LRMDA: variants seen among roughly 807,000 people sequenced by gnomAD.
LRMDA encodes the protein leucine rich melanocyte differentiation associated, also known as leucine-rich melanocyte differentiation-associated protein.
A neutral mutation model predicts 29.8 loss-of-function variants in LRMDA; 18 were observed. The observed-to-expected ratio is 0.60, with a 90% CI of 0.42 to 0.90. LRMDA has a LOEUF of 0.90. Among genes scored for constraint, LRMDA ranks in the 40% least tolerant of loss-of-function variants. LRMDA has a pLI of 0.00. For missense variants in LRMDA, 273 were observed against 273.9 expected (o/e 1.00, Z 0.02); for synonymous variants, 125 against 109.4 (o/e 1.14, Z -0.89).
intron 2 of LRMDA, among the ~76,000 whole-genome samples, chr10:75,629,603 G>T (rs1271370876): frequency 1.8e-5 from 2 of 112,618 alleles, no homozygotes. Context: ...AATTAAATGA[G>T]CATTAAGTCC....
At chr10:76,375,954 T>C (rs887942937) in intron 6 of LRMDA, among the ~76,000 whole-genome samples, 1 of 152,180 alleles carries the variant, frequency 6.6e-6, no homozygotes, top group African/African-American at 2.4e-5. Context: ...AATATCCTGC[T>C]GTATCATGCT....
At chr10:75,527,845 G>A (rs191519479) in intron 2 of LRMDA, among the ~76,000 whole-genome samples, 2 of 150,880 alleles carry the variant, frequency 1.3e-5, no homozygotes, top group African/African-American at 2.4e-5. Flanking sequence ...TGCAGTGGGG[G>A]GATTTTGGCT....
intron 2 of LRMDA, among the ~76,000 whole-genome samples, chr10:75,987,401 C>T (rs982653272): frequency 2.6e-5 from 4 of 152,216 alleles, no homozygotes; most frequent in African/African-American, 7.2e-5. Context: ...CTGGCTTCTA[C>T]CCAGCAGAAG....
chr10:76,116,948 T>G (rs1849677596), intron 5 of LRMDA, among the ~76,000 whole-genome samples: 1 of 152,184 alleles, frequency 6.6e-6, no homozygotes, highest in South Asian at 2.1e-4. Flanking sequence ...CCAGTTTCCC[T>G]TTGTTATTCA....
intron 5 of LRMDA, among the ~76,000 whole-genome samples, chr10:76,181,062 C>T (rs1484606790): frequency 6.6e-6 from 1 of 152,104 alleles, no homozygotes; most frequent in African/African-American, 2.4e-5. Flanking sequence ...CGCTTTGCTC[C>T]CTCTCTTTTA....
At chr10:76,117,773 A>G (rs1328976903) in intron 5 of LRMDA, among the ~76,000 whole-genome samples, 3 of 152,244 alleles carry the variant, frequency 2.0e-5, no homozygotes, top group Non-Finnish European at 4.4e-5. Flanking sequence ...TGATCCAAGA[A>G]GATACTTAGC....
intron 2 of LRMDA, among the ~76,000 whole-genome samples, chr10:75,620,093 C>T (rs1279105438): frequency 6.6e-6 from 1 of 152,154 alleles, no homozygotes; most frequent in Non-Finnish European, 1.5e-5. Context: ...ACAGGCCCTC[C>T]AAAATGCACA....
Position 75,882,361 on chromosome 10 carries a change from T to C in LRMDA, c.132-153647T>C, listed in dbSNP as rs1049342046. On this transcript the variant is annotated intron_variant, in intron 2 of 6. Transcript: ENST00000611255. ...TTTCCTCTTCAATTCTGGGGACCTA[T>C]ATTGGAACTTTCAGCTGAGGATTTC... Among the ~76,000 whole-genome samples the C allele has an allele frequency of 2.0e-5, 3 of 152,212 alleles. No homozygotes were observed. The South Asian group carries it at 6.2e-4, about 32-fold the overall frequency.
At chr10:75,687,627 A>T (rs916678231) in intron 2 of LRMDA, among the ~76,000 whole-genome samples, 9 of 152,266 alleles carry the variant, frequency 5.9e-5, no homozygotes, top group Non-Finnish European at 2.9e-5. Flanking sequence ...GTTATCCAGA[A>T]GATCTGGCTA....
At chr10:76,130,926 G>C (rs980177899) in intron 5 of LRMDA, among the ~76,000 whole-genome samples, 7 of 152,170 alleles carry the variant, frequency 4.6e-5, no homozygotes, top group African/African-American at 1.4e-4. Flanking sequence ...GCCTCCCAAA[G>C]TGCTGGAATT....
chr10:75,848,940 C>A lies in LRMDA; in HGVS notation c.132-187068C>A, dbSNP rs548013146. ...TGGGGGCAGTTCCCAAGCTCCTTGA[C>A]CAGCCAGCTTCCTATTGGGTTTGAC... On this transcript the variant is annotated intron_variant, in intron 2 of 6. Coordinates refer to ENST00000611255, the MANE Select transcript of LRMDA (RefSeq NM_001305581.2). 1.2e-4 allele frequency among the ~76,000 whole-genome samples: 19 copies of A among 152,274 alleles called. No homozygotes were observed. The South Asian group carries it at 3.9e-3, about 32-fold the overall frequency.
chr10:75,451,551 C>G (rs1010029871), intron 2 of LRMDA: 11 of 152,080 alleles, frequency 7.2e-5, no homozygotes, highest in Admixed American at 3.3e-4. Context: ...AATTAGCAAG[C>G]TAATTGATTT....
At chr10:75,460,831 TTGAC>T (rs1199481797) in intron 2 of LRMDA, among the ~76,000 whole-genome samples, 5 of 152,228 alleles carry the variant, frequency 3.3e-5, no homozygotes, top group Non-Finnish European at 5.9e-5. Context: ...TTCTAATTGA[TTGAC>T]ATATTTATAT....
intron 5 of LRMDA, among the ~76,000 whole-genome samples, chr10:76,084,450 A>G (rs866974992): frequency 8.4e-5 from 12 of 143,660 alleles, no homozygotes; most frequent in Admixed American, 2.2e-4. Context: ...CCTGACCTCA[A>G]GTAATCTGCC....
intron 6 of LRMDA, among the ~76,000 whole-genome samples, chr10:76,382,045 A>G (rs1157440258): frequency 6.6e-6 from 1 of 152,248 alleles, no homozygotes; most frequent in Non-Finnish European, 1.5e-5. Context: ...GTGAAAGCAC[A>G]TTGTTGCAAT....
chr10:75,772,841 C>T (rs929876142), intron 2 of LRMDA, among the ~76,000 whole-genome samples: 6 of 94,180 alleles, frequency 6.4e-5, no homozygotes, highest in African/African-American at 2.5e-4. Flanking sequence ...CCTCAGGGCA[C>T]TATTCTTATT....
intron 2 of LRMDA, among the ~76,000 whole-genome samples, chr10:75,525,538 T>A (rs538265859): frequency 6.6e-6 from 1 of 152,212 alleles, no homozygotes; most frequent in African/African-American, 2.4e-5. Context: ...AGACTGGGAT[T>A]GAGATAATTG....
chr10:75,984,784 A>AT (rs570094790), intron 2 of LRMDA, among the ~76,000 whole-genome samples: 34 of 152,270 alleles, frequency 2.2e-4, no homozygotes, highest in African/African-American at 7.7e-4. Context: ...GAGCTGCTGC[A>AT]TTTTTCTGTT....
intron 5 of LRMDA, among the ~76,000 whole-genome samples, chr10:76,164,311 C>A (rs954280165): frequency 6.6e-6 from 1 of 152,146 alleles, no homozygotes; most frequent in Admixed American, 6.5e-5. Context: ...TTACTTTTCT[C>A]AGTTCCATCA....
Sources: gnomAD v4.1 joint callset for allele counts (sites outside exome capture counted in the v4.1 genomes callset) on GRCh38, gnomAD v4.1.1 for gene constraint, MANE v1.5 for transcripts, NCBI Gene and HGNC (gene_info 2026-07-23, HGNC 2026-07-21) for gene names.